TRHDE: variants seen among roughly 807,000 people sequenced by gnomAD.
The protein encoded by TRHDE is thyrotropin releasing hormone degrading enzyme.
Under a neutral mutation model 125.7 loss-of-function variants are expected in TRHDE, and 72 were observed. The ratio of observed to expected loss-of-function variants is 0.57; its 90% CI spans 0.47 to 0.70. The LOEUF (loss-of-function observed/expected upper bound fraction) is 0.70. TRHDE is among the 30% of genes least tolerant of loss of function. The pLI is 0.00. For missense variants in TRHDE, 1,110 were observed against 1,327.1 expected (o/e 0.84, Z 2.54); for synonymous variants, 509 against 509.1 (o/e 1.00, Z 0.00).
At chr12:72,616,050 GA>G (rs1442134037) in intron 12 of TRHDE, among the ~76,000 whole-genome samples, 1 of 152,116 alleles carries the variant, frequency 6.6e-6, no homozygotes, top group Admixed American at 6.6e-5. Context: ...TTCATTCAAA[GA>G]AGAAGAGAAG....
chr12:72,249,624 C>G (rs1202393893), intron 2 of TRHDE, among the ~76,000 whole-genome samples: 1 of 152,180 alleles, frequency 6.6e-6, no homozygotes, highest in Non-Finnish European at 1.5e-5. Flanking sequence ...TAACTATACA[C>G]ACACCAGAAT....
chr12:72,351,534 G>A (rs1870580933), intron 2 of TRHDE, among the ~76,000 whole-genome samples: 1 of 151,882 alleles, frequency 6.6e-6, no homozygotes, highest in Non-Finnish European at 1.5e-5. Flanking sequence ...GGCATTTGTT[G>A]CATCTCTCCT....
intron 5 of TRHDE, among the ~76,000 whole-genome samples, chr12:72,498,782 T>A (rs952087795): frequency 1.3e-5 from 2 of 152,182 alleles, no homozygotes; most frequent in Non-Finnish European, 2.9e-5. Flanking sequence ...ATGCAGAGAA[T>A]GGAAGTCTTA....
chr12:72,582,909 AT>A, intron 12 of TRHDE, among the ~76,000 whole-genome samples: 1 of 152,150 alleles, frequency 6.6e-6, no homozygotes, highest in East Asian at 1.9e-4. Context: ...TTTAATCCCT[AT>A]CTTTTTCTGT....
chr12:72,584,248 A>T (rs1464056948), intron 12 of TRHDE, among the ~76,000 whole-genome samples: 1 of 152,114 alleles, frequency 6.6e-6, no homozygotes, highest in Non-Finnish European at 1.5e-5. Context: ...TTTTGACATT[A>T]TTCTGTAGGT....
chr12:72,300,883 A>G (rs147083391), intron 2 of TRHDE, among the ~76,000 whole-genome samples: 29 of 152,232 alleles, frequency 1.9e-4, no homozygotes, highest in Non-Finnish European at 3.2e-4. Flanking sequence ...AGAAAACCTC[A>G]AAGTTTCAGG....
At chr12:72,110,226 T>C (rs555813845) in intron 2 of TRHDE, among the ~76,000 whole-genome samples, 2 of 152,232 alleles carry the variant, frequency 1.3e-5, no homozygotes, top group South Asian at 4.1e-4. Flanking sequence ...TAAACTTTTG[T>C]GTAAAACTTG....
intron 3 of TRHDE, among the ~76,000 whole-genome samples, chr12:72,429,169 G>T (rs1169605455): frequency 6.6e-6 from 1 of 151,924 alleles, no homozygotes; most frequent in African/African-American, 2.4e-5. Context: ...ACAGGGAGGG[G>T]AACATCATAC....
intron 3 of TRHDE, among the ~76,000 whole-genome samples, chr12:72,449,684 A>C (rs1039488849): frequency 6.6e-6 from 1 of 151,956 alleles, no homozygotes; most frequent in Non-Finnish European, 1.5e-5. Context: ...TCAGATTGCA[A>C]ATATGGACTC....
At chr12:72,500,363 A>C (rs953089039) in intron 6 of TRHDE, among the ~76,000 whole-genome samples, 1 of 152,016 alleles carries the variant, frequency 6.6e-6, no homozygotes, top group Non-Finnish European at 1.5e-5. Flanking sequence ...TTTTTAGTGT[A>C]GGTTAAATTG....
chr12:72,417,291 A>G (rs1160576087), intron 3 of TRHDE, among the ~76,000 whole-genome samples: 1 of 152,040 alleles, frequency 6.6e-6, no homozygotes, highest in African/African-American at 2.4e-5. Context: ...TGATAGTCCT[A>G]AGTTTTAATA....
chr12:72,245,754 C>CAT (rs1040408132), intron 2 of TRHDE, among the ~76,000 whole-genome samples: 13 of 151,456 alleles, frequency 8.6e-5, no homozygotes, highest in African/African-American at 2.7e-4. Flanking sequence ...TATGTATGAA[C>CAT]ATATATATAT....
At chr12:72,351,922 C>G (rs368437603) in intron 2 of TRHDE, among the ~76,000 whole-genome samples, 25 of 152,008 alleles carry the variant, frequency 1.6e-4, no homozygotes, top group African/African-American at 5.5e-4. Flanking sequence ...TATGCTTCTC[C>G]TGACTCATTT....
chr12:72,216,994 A>G (rs1432277992), intron 2 of TRHDE, among the ~76,000 whole-genome samples: 1 of 151,254 alleles, frequency 6.6e-6, no homozygotes, highest in Non-Finnish European at 1.5e-5. Flanking sequence ...GTAAGATTGT[A>G]TTAAATAAGT....
At chr12:72,170,316 G>A (rs987786020) in intron 2 of TRHDE, among the ~76,000 whole-genome samples, 4 of 152,144 alleles carry the variant, frequency 2.6e-5, no homozygotes, top group African/African-American at 9.7e-5. Context: ...TCAGAACAAT[G>A]CTCTTGACTT....
intron 3 of TRHDE, among the ~76,000 whole-genome samples, chr12:72,397,398 T>G (rs1283311919): frequency 6.6e-6 from 1 of 152,216 alleles, no homozygotes; most frequent in Non-Finnish European, 1.5e-5. Flanking sequence ...TATTGTCCAT[T>G]CTATTGTCAA....
Position 72,666,980 on chromosome 12 carries a change from A to G in TRHDE, c.*3785A>G, listed in dbSNP as rs1592604714. On this transcript the variant is annotated 3_prime_UTR_variant, in exon 19 of 19. Coordinates refer to ENST00000261180, the MANE Select transcript of TRHDE (RefSeq NM_013381.3). ...CAAATTTATCTGACAAATTCTGTCT[A>G]TAGTAACAGATGGTCAGAATGCAGA... The G allele has an allele frequency of 1.3e-5, 2 of 152,044 alleles. No homozygotes were observed. Among genetic ancestry groups the G allele is most frequent in the East Asian group, 3.9e-4 (2 of 5,170 alleles). 9.4% of individuals were successfully genotyped at this position (152,044 alleles called of 1,614,324 possible).
intron 3 of TRHDE, among the ~76,000 whole-genome samples, chr12:72,382,075 C>T (rs1872210156): frequency 6.6e-6 from 1 of 152,126 alleles, no homozygotes; most frequent in Admixed American, 6.5e-5. Context: ...AGGTTAAAGA[C>T]TCCTAGGAGT....
At chr12:72,458,235 G>A (rs940894775) in intron 3 of TRHDE, among the ~76,000 whole-genome samples, 10 of 152,170 alleles carry the variant, frequency 6.6e-5, no homozygotes, top group Non-Finnish European at 1.3e-4. Context: ...CTTTGAAACC[G>A]TTAATTAAAA....
Sources: gnomAD v4.1 joint callset for allele counts (sites outside exome capture counted in the v4.1 genomes callset) on GRCh38, gnomAD v4.1.1 for gene constraint, MANE v1.5 for transcripts, NCBI Gene and HGNC (gene_info 2026-07-23, HGNC 2026-07-21) for gene names.